The following PDE4B variants were observed in gnomAD, a reference collection of about 807,000 sequenced individuals.
PDE4B encodes phosphodiesterase 4B.
In PDE4B, 20 loss-of-function variants were observed where a neutral mutation model predicts 82.2. The observed-to-expected ratio is 0.24, with a 90% CI of 0.17 to 0.35. The LOEUF (loss-of-function observed/expected upper bound fraction) is 0.35. Among genes scored for constraint, PDE4B ranks in the 10% least tolerant of loss-of-function variants. PDE4B has a pLI of 1.00. For synonymous variants in PDE4B, 320 were observed against 318.9 expected, an observed-to-expected ratio of 1.00 and a Z score of -0.04; for missense variants, 655 against 907.2, an observed-to-expected ratio of 0.72 and a Z score of 3.57.
chr1:66,321,943 C>G (rs1310590224), intron 7 of PDE4B, among the ~76,000 whole-genome samples: 1 of 152,092 alleles, frequency 6.6e-6, no homozygotes, highest in Non-Finnish European at 1.5e-5. Context: ...CTACAGTAAC[C>G]AAAACAACAT....
At chr1:65,900,710 G>A (rs575988167) in intron 1 of PDE4B, among the ~76,000 whole-genome samples, 1 of 151,784 alleles carries the variant, frequency 6.6e-6, no homozygotes, top group Non-Finnish European at 1.5e-5. Context: ...TTACATTTTT[G>A]CATGACTATT....
chr1:65,813,912 A>AC (rs1409923747), intron 1 of PDE4B, among the ~76,000 whole-genome samples: 42 of 147,610 alleles, frequency 2.8e-4, no homozygotes, highest in African/African-American at 1.0e-3. Context: ...AAAAAAAAAA[A>AC]ACAACAGTTG....
chr1:66,040,634 T>A (rs1654315420), intron 3 of PDE4B, among the ~76,000 whole-genome samples: 1 of 152,000 alleles, frequency 6.6e-6, no homozygotes, highest in Non-Finnish European at 1.5e-5. Flanking sequence ...GGAATAAAAG[T>A]AGTTGCATTT....
intron 7 of PDE4B, among the ~76,000 whole-genome samples, chr1:66,321,644 T>G (rs569632668): frequency 1.1e-3 from 161 of 152,294 alleles, no homozygotes; most frequent in African/African-American, 3.6e-3. Flanking sequence ...CAAGGAGAAC[T>G]ACAAACCACT....
chr1:65,806,561 C>T (rs995165873), intron 1 of PDE4B, among the ~76,000 whole-genome samples: 3 of 152,300 alleles, frequency 2.0e-5, no homozygotes, highest in African/African-American at 7.2e-5. Context: ...TCCGTCTCTT[C>T]AGAATCCTGA....
chr1:65,835,800 G>C (rs1646133322), intron 1 of PDE4B, among the ~76,000 whole-genome samples: 1 of 152,120 alleles, frequency 6.6e-6, no homozygotes, highest in Non-Finnish European at 1.5e-5. Context: ...TTAAATATCA[G>C]AGGATTTCTA....
intron 3 of PDE4B, among the ~76,000 whole-genome samples, chr1:66,212,989 A>G (rs1650184851): frequency 1.3e-5 from 2 of 151,990 alleles, no homozygotes; most frequent in Admixed American, 1.3e-4. Flanking sequence ...ATGGAGGTCC[A>G]CTCTAGTTTT....
intron 7 of PDE4B, among the ~76,000 whole-genome samples, chr1:66,299,528 G>A (rs1483742005): frequency 6.6e-6 from 1 of 152,008 alleles, no homozygotes; most frequent in Admixed American, 6.6e-5. Context: ...ATAAACGTGG[G>A]GTGCAGATAT....
intron 9 of PDE4B, among the ~76,000 whole-genome samples, chr1:66,358,720 G>C (rs1351873922): frequency 4.0e-5 from 6 of 148,524 alleles, no homozygotes; most frequent in African/African-American, 1.5e-4. Context: ...TAATATAAAA[G>C]GTTCCTGTAA....
At chr1:65,878,237 G>T (rs891263532) in intron 1 of PDE4B, among the ~76,000 whole-genome samples, 1 of 152,190 alleles carries the variant, frequency 6.6e-6, no homozygotes, top group Non-Finnish European at 1.5e-5. Context: ...AACAACAGAT[G>T]CTGGAGAGGA....
At chr1:66,043,917 T>C (rs1159000065) in intron 3 of PDE4B, among the ~76,000 whole-genome samples, 1 of 151,688 alleles carries the variant, frequency 6.6e-6, no homozygotes, top group East Asian at 1.9e-4. Flanking sequence ...CTAGGAACCA[T>C]GATTGGTAAG....
At chr1:66,239,860 G>A (rs953046487) in intron 3 of PDE4B, among the ~76,000 whole-genome samples, 9 of 152,126 alleles carry the variant, frequency 5.9e-5, no homozygotes, top group Non-Finnish European at 1.2e-4. Context: ...CCCAAAAAAA[G>A]GATCTCAATC....
At chr1:66,004,987 A>T (rs1652068512) in intron 3 of PDE4B, among the ~76,000 whole-genome samples, 1 of 152,110 alleles carries the variant, frequency 6.6e-6, no homozygotes, top group Non-Finnish European at 1.5e-5. Flanking sequence ...ATTTACAAAT[A>T]TTAATTAGTA....
At chr1:66,114,597 T>A (rs1645554684) in intron 3 of PDE4B, among the ~76,000 whole-genome samples, 1 of 152,040 alleles carries the variant, frequency 6.6e-6, no homozygotes, top group African/African-American at 2.4e-5. Context: ...TATGTCTTAC[T>A]TATTTTTTCA....
At chr1:66,189,767 C>T (rs1220744268) in intron 3 of PDE4B, among the ~76,000 whole-genome samples, 1 of 152,026 alleles carries the variant, frequency 6.6e-6, no homozygotes, top group Non-Finnish European at 1.5e-5. Context: ...AACTTCATTG[C>T]CATGAGTTCG....
chr1:66,271,714 C>A, intron 7 of PDE4B, among the ~76,000 whole-genome samples: 1 of 152,136 alleles, frequency 6.6e-6, no homozygotes, highest in Admixed American at 6.6e-5. Flanking sequence ...GTTTTGTGTG[C>A]AAAAGCATCT....
intron 3 of PDE4B, among the ~76,000 whole-genome samples, chr1:65,936,746 G>A (rs1406593005): frequency 6.6e-6 from 1 of 152,156 alleles, no homozygotes; most frequent in Admixed American, 6.6e-5. Flanking sequence ...TTCTCCAAAA[G>A]TAGGAGGTTA....
intron 3 of PDE4B, among the ~76,000 whole-genome samples, chr1:65,975,531 A>G (rs1650360016): frequency 6.6e-6 from 1 of 152,234 alleles, no homozygotes; most frequent in Non-Finnish European, 1.5e-5. Context: ...AGAGGAGCTG[A>G]ATGATAATAG....
At chr1:66,304,198 T>G (rs1658107595) in intron 7 of PDE4B, among the ~76,000 whole-genome samples, 1 of 152,118 alleles carries the variant, frequency 6.6e-6, no homozygotes, top group South Asian at 2.1e-4. Flanking sequence ...CTGCAAAATT[T>G]TAAAGGGCTT....
Sources: allele counts gnomAD v4.1 joint callset (sites outside exome capture counted in the v4.1 genomes callset), GRCh38; gene constraint gnomAD v4.1.1; transcripts MANE v1.5; gene names NCBI Gene and HGNC (gene_info 2026-07-23, HGNC 2026-07-21).